KIF19: variants seen among roughly 807,000 people sequenced by gnomAD.
KIF19 encodes the protein kinesin-like protein KIF19.
KIF19 carries 98 observed loss-of-function variants against 106.6 expected under a neutral mutation model. That is an observed-to-expected ratio of 0.92 (90% CI 0.78 to 1.09). The LOEUF (loss-of-function observed/expected upper bound fraction) is 1.09, where lower values mean the gene tolerates loss of function less well. Ranked by LOEUF, KIF19 falls within the 50% of genes least tolerant of loss-of-function variation. KIF19 has a pLI of 0.00. For missense variants in KIF19, 1,373 were observed against 1,414.3 expected, an observed-to-expected ratio of 0.97 and a Z score of 0.47; for synonymous variants, 516 against 584.2, an observed-to-expected ratio of 0.88 and a Z score of 1.68.
intron 3 of KIF19, among the ~76,000 whole-genome samples, 183 bp from the exon 4 acceptor site, chr17:74,342,447 C>T (rs1433100499): frequency 6.6e-6 from 1 of 152,168 alleles, no homozygotes; most frequent in East Asian, 1.9e-4. Context: ...TCTCTTTCAG[C>T]CTGACGTCCC....
chr17:74,354,326 G>T lies in KIF19; in HGVS notation c.2473G>T (p.Gly825Cys). The T allele has an allele frequency of 6.2e-7, 1 of 1,607,664 alleles. No homozygotes were observed. Among genetic ancestry groups the T allele is most frequent in the Non-Finnish European group, 8.5e-7 (1 of 1,177,688 alleles). Residue 825 changes from glycine to cysteine, a missense_variant, in exon 18 of 20, where the codon GGC (glycine) becomes TGC (cysteine). Physicochemically the swap from Gly to Cys is radical, Grantham distance 159 (BLOSUM62 -3). This residue lies in a region of KIF19 where 1,020 missense variants were observed against 1,008.2 expected (regional missense o/e 1.01). Transcript: ENST00000389916. ...CGAGGGCGACGATGCGCGGCCACCA[G>T]GCCCACTGGCCTGCAAGCGGCCGCC... ...LSEGDDARPPGPLACKRPPSP... is the reference protein window; with the variant it reads ...LSEGDDARPPCPLACKRPPSP...
intron 17 of KIF19, 137 bp downstream of exon 17, chr17:74,353,718 C>A: frequency 1.4e-6 from 1 of 714,328 alleles, no homozygotes; most frequent in Non-Finnish European, 2.5e-6. Flanking sequence ...TCTGTAGAGG[C>A]ACCATTGCCC....
At chr17:74,344,447 G>A (rs112499215) in intron 6 of KIF19, 99 bp downstream of exon 6, 61 of 1,511,430 alleles carry the variant, frequency 4.0e-5, no homozygotes, top group Middle Eastern at 4.4e-4. Context: ...CTCCCCACTC[G>A]GCTGAGGCTG....
Position 74,355,520 on chromosome 17 carries a change from G to C in KIF19, c.*208G>C. On this transcript the variant is annotated 3_prime_UTR_variant, in exon 20 of 20. Coordinates refer to ENST00000389916, the MANE Select transcript of KIF19 (RefSeq NM_153209.4). ...CTGGGGAAAAGAGGTGAGGCCAGGG[G>C]ACATGGCCAGGACGGCTGGGCTCCC... 3.2e-6 allele frequency: 2 copies of C among 628,212 alleles called. No individual in the cohort carries two copies. The highest frequency in any genetic ancestry group is 5.1e-6 in the Non-Finnish European group (2 of 391,330). The allele number at this position is 628,212 out of a possible 1,614,324, so 38.9% of individuals were successfully genotyped here.
rs2054676463 is a variant in KIF19 at position 74,350,727 on chromosome 17, GC to G, written c.1411del (p.Arg471GlyfsTer204). ...GGCAGCTGGAAGCATGAGAAGTCCC[GC>G]CGGGCCCTCAAATGGCGGGAGGAGC... ...TIAGWKHEKS[R>X]RALKWREEQR... On this transcript the variant is annotated frameshift_variant, in exon 12 of 20. Transcript: ENST00000389916. LOFTEE classifies it high-confidence loss of function. 6.2e-7 allele frequency: 1 copy of G among 1,613,766 alleles called. No homozygotes were observed. The highest frequency in any genetic ancestry group is 1.1e-5 in the South Asian group (1 of 91,084).
At chr17:74,351,501 A>G (rs1046747148) in intron 12 of KIF19, among the ~76,000 whole-genome samples, 3 of 152,002 alleles carry the variant, frequency 2.0e-5, no homozygotes, top group African/African-American at 7.2e-5. Context: ...AAAAAGAAAA[A>G]TAATAATAAT....
Position 74,352,137 on chromosome 17 carries a change from G to C in KIF19, c.1858G>C (p.Asp620His). 1 of 1,582,344 alleles carries C rather than the reference G, an allele frequency of 6.3e-7. No homozygotes were observed. The highest frequency in any genetic ancestry group is 8.6e-7 in the Non-Finnish European group (1 of 1,161,474). The change falls in exon 13 of 20, where the codon GAC becomes CAC. Residue 620 changes from aspartate to histidine, a missense_variant and splice_region_variant. By Grantham distance (81) the Asp-to-His change is moderately conservative. Transcript: ENST00000389916. Reference protein sequence around the residue: ...IIQGQRQIIDDYNLAVPQRLE... With the variant: ...IIQGQRQIIDHYNLAVPQRLE... Reference sequence around the variant, plus strand: ...CCAGGGCCAGCGGCAGATCATCGACGGTAGGGCCCACGCCCCCGCGCATCT... The same window carrying C: ...CCAGGGCCAGCGGCAGATCATCGACCGTAGGGCCCACGCCCCCGCGCATCT...
chr17:74,353,033 G>A, intron 15 of KIF19, 79 bp downstream of exon 15: 1 of 1,554,848 alleles, frequency 6.4e-7, no homozygotes, highest in Non-Finnish European at 8.8e-7. Context: ...GGCTAAATGG[G>A]GAACACAGAG....
At chr17:74,352,778 G>GA in intron 14 of KIF19, 43 bp from the exon 15 acceptor site, 2 of 1,612,752 alleles carry the variant, frequency 1.2e-6, no homozygotes, top group Non-Finnish European at 1.7e-6. Context: ...TTTGGTCCAG[G>GA]ACCAAATCTT....
rs548604691 is a variant in KIF19 at position 74,339,983 on chromosome 17, C to A, written c.121-1893C>A. On this transcript the variant is annotated intron_variant, in intron 2 of 19. Coordinates refer to ENST00000389916, the MANE Select transcript of KIF19 (RefSeq NM_153209.4). Reference sequence around the variant, plus strand: ...CAGGTGGCCACTCTCAGTCTCCACCCCTGCCCTCTTAACAGCCCGTTGAAC... The same window carrying A: ...CAGGTGGCCACTCTCAGTCTCCACCACTGCCCTCTTAACAGCCCGTTGAAC... Among the ~76,000 whole-genome samples, 3 of 152,302 alleles carry A rather than the reference C, an allele frequency of 2.0e-5. No individual in the cohort carries two copies. In the South Asian group the frequency reaches 6.2e-4, roughly 32 times the overall value.
At chr17:74,326,974 A>T (rs747203963) in intron 1 of KIF19, among the ~76,000 whole-genome samples, 4 of 152,188 alleles carry the variant, frequency 2.6e-5, no homozygotes, top group Admixed American at 1.3e-4. Flanking sequence ...GGCCTGGGAC[A>T]GATGGGGAGG....
At chr17:74,341,003 T>C (rs2054357095) in intron 2 of KIF19, among the ~76,000 whole-genome samples, 1 of 152,190 alleles carries the variant, frequency 6.6e-6, no homozygotes, top group African/African-American at 2.4e-5. Context: ...GTGGGAGTCA[T>C]AGCTGGCCTT....
intron 1 of KIF19, 107 bp downstream of exon 1, chr17:74,326,495 G>A (rs561882879): frequency 1.9e-6 from 2 of 1,072,280 alleles, no homozygotes; most frequent in Non-Finnish European, 2.8e-6. Flanking sequence ...GAGAGGACAG[G>A]CAACGACCAG....
chr17:74,339,776 G>A lies in KIF19; in HGVS notation c.121-2100G>A, dbSNP rs556879518. ...CAGGCGCAGAGCAGCATTTAGAGGC[G>A]CCAGCTGCCTCTCAGGGGGCACCTC... On this transcript the variant is annotated intron_variant, in intron 2 of 19. Coordinates refer to ENST00000389916, the MANE Select transcript of KIF19 (RefSeq NM_153209.4). Among the ~76,000 whole-genome samples, 98 of 152,324 alleles carry A rather than the reference G, an allele frequency of 6.4e-4. 1 individual carries two copies. The highest frequency in any genetic ancestry group is 3.4e-3 in the Middle Eastern group (1 of 294).
In KIF19 at chr17:74,350,459, G is replaced by T. The variant is rs573598978; in HGVS notation, c.1272G>T (p.Glu424Asp). 7.3e-5 allele frequency: 118 copies of T among 1,610,160 alleles called. 1 individual carries two copies. In the East Asian group the frequency reaches 2.6e-3, roughly 36 times the overall value. ...GEKAGMGQLR[E>D]QLASAFQEQM... is the part of the protein sequence containing the mutation. Reference sequence around the variant, plus strand: ...AGGCTGGCATGGGACAGCTTCGGGAGCAGCTCGCCAGCGCCTTCCAGGAGC... The same window carrying T: ...AGGCTGGCATGGGACAGCTTCGGGATCAGCTCGCCAGCGCCTTCCAGGAGC... Residue 424 changes from glutamate to aspartate, a missense_variant, in exon 11 of 20, where the codon GAG (glutamate) becomes GAT (aspartate). This residue lies in a region of KIF19 where 1,020 missense variants were observed against 1,008.2 expected (regional missense o/e 1.01). Transcript: ENST00000389916.
chr17:74,344,858 C>T lies in KIF19; in HGVS notation c.680C>T (p.Thr227Ile), dbSNP rs1313024946. ...CGCTCCCACGCGGTACTGCAGGTGA[C>T]CGTGCGCCAGCGCAGCCGGGTCAAG... ...SSRSHAVLQV[T>I]VRQRSRVKNI... Residue 227 changes from threonine (T) to isoleucine (I), a missense_variant, in exon 7 of 20, where the codon ACC becomes ATC. Physicochemically the swap from Thr to Ile is moderately conservative, Grantham distance 89. Coordinates refer to ENST00000389916, the MANE Select transcript of KIF19 (RefSeq NM_153209.4). 2 of 1,612,846 alleles carry T rather than the reference C, an allele frequency of 1.2e-6. No individual in the cohort carries two copies. The highest frequency in any genetic ancestry group is 1.7e-6 in the Non-Finnish European group (2 of 1,179,838).
intron 1 of KIF19, among the ~76,000 whole-genome samples, chr17:74,327,597 C>T (rs1217320855): frequency 4.6e-5 from 7 of 152,180 alleles, no homozygotes; most frequent in Non-Finnish European, 5.9e-5. Context: ...TTCAGCCTCC[C>T]GAGTAGCTGG....
In KIF19 at chr17:74,338,841, T is replaced by C. The variant is rs1278592776; in HGVS notation, c.121-3035T>C. Among the ~76,000 whole-genome samples the C allele has an allele frequency of 2.0e-5, 3 of 151,898 alleles. No homozygotes were observed. In the East Asian group the frequency reaches 5.8e-4, roughly 29 times the overall value. ...CTCCTGGATCCATGGAGCCCGGCTGTGCTCACAGCTCTGCTGCCTGCTGCC... is the reference window on the plus strand; with the variant it reads ...CTCCTGGATCCATGGAGCCCGGCTGCGCTCACAGCTCTGCTGCCTGCTGCC... On this transcript the variant is annotated intron_variant, in intron 2 of 19. Coordinates refer to ENST00000389916, the MANE Select transcript of KIF19 (RefSeq NM_153209.4).
intron 17 of KIF19, 92 bp downstream of exon 17, chr17:74,353,673 C>T (rs1423554824): frequency 2.0e-6 from 2 of 1,010,546 alleles, no homozygotes; most frequent in African/African-American, 3.2e-5. Context: ...GCCCTCTGCA[C>T]TGCCAAGTGC....
Sources: gnomAD v4.1 joint callset for allele counts (sites outside exome capture counted in the v4.1 genomes callset) on GRCh38, gnomAD v4.1.1 for gene constraint, gnomAD v4.1.1 regional missense constraint, MANE v1.5 for transcripts, NCBI Gene and HGNC (gene_info 2026-07-23, HGNC 2026-07-21) for gene names.